The following PREX2 variants were observed in gnomAD, a reference collection of about 807,000 sequenced individuals.
PREX2 encodes the protein phosphatidylinositol-3,4,5-trisphosphate dependent Rac exchange factor 2.
PREX2 carries 107 observed loss-of-function variants against 203.2 expected under a neutral mutation model. The ratio of observed to expected loss-of-function variants is 0.53; its 90% CI spans 0.45 to 0.62. The LOEUF (loss-of-function observed/expected upper bound fraction) is 0.62. Ranked by LOEUF, PREX2 falls within the 20% of genes least tolerant of loss-of-function variation. The pLI, the probability that PREX2 is intolerant of heterozygous loss-of-function variation, is 0.00. For synonymous variants in PREX2, 672 were observed against 663.6 expected, an observed-to-expected ratio of 1.01 and a Z score of -0.19; for missense variants, 1,777 against 1,955.9, an observed-to-expected ratio of 0.91 and a Z score of 1.72.
chr8:68,074,097 C>G (rs4457315), intron 14 of PREX2, among the ~76,000 whole-genome samples: 79,558 of 151,480 alleles, frequency 0.53, 20,938 homozygotes, highest in South Asian at 0.56. Flanking sequence ...TTCTCAAGTA[C>G]CTGGGATTAC....
intron 37 of PREX2, among the ~76,000 whole-genome samples, chr8:68,198,498 C>T (rs1405277170): frequency 6.6e-6 from 1 of 152,178 alleles, no homozygotes; most frequent in African/African-American, 2.4e-5. Flanking sequence ...TTTCTTATTG[C>T]AGCATCCTTC....
chr8:68,177,389 C>A (rs1812001187), intron 35 of PREX2, among the ~76,000 whole-genome samples: 1 of 152,128 alleles, frequency 6.6e-6, no homozygotes, highest in Non-Finnish European at 1.5e-5. Context: ...GAGACCCTCA[C>A]CCCTCATCTC....
At chr8:68,111,075 A>G in intron 25 of PREX2, 1 of 263,618 alleles carries the variant, frequency 3.8e-6, no homozygotes, top group Non-Finnish European at 7.5e-6. Context: ...AATAAATGAG[A>G]TTTTATTGCA....
At position 68,083,380 on chromosome 8, in the gene PREX2, G is replaced by A; in HGVS notation, c.2019G>A (p.Lys673=). 2 of 1,606,464 alleles carry A rather than the reference G, an allele frequency of 1.2e-6. No individual in the cohort carries two copies. The highest frequency in any genetic ancestry group is 8.5e-7 in the Non-Finnish European group (1 of 1,175,418). The change falls in exon 18 of 40, where the codon AAG becomes AAA. Residue 673 remains lysine, a synonymous_variant. Coordinates refer to ENST00000288368, the MANE Select transcript of PREX2 (RefSeq NM_024870.4). ...CTCTAAGAGTTCTTGTGAGCACAAA[G>A]CCAAGAGAGTAAGTTGTATGATTTA... ...RKPLRVLVST[K]PRETVKIPDS... is the part of the protein sequence containing the mutation.
intron 1 of PREX2, among the ~76,000 whole-genome samples, chr8:68,013,465 C>T (rs1807323666): frequency 6.6e-6 from 1 of 152,152 alleles, no homozygotes; most frequent in African/African-American, 2.4e-5. Context: ...AGGTCCAGAA[C>T]AAACTCTGAT....
At chr8:68,079,204 T>C (rs886934998) in intron 15 of PREX2, among the ~76,000 whole-genome samples, 11 of 152,210 alleles carry the variant, frequency 7.2e-5, no homozygotes, top group African/African-American at 2.7e-4. Flanking sequence ...CTTCTGTTGC[T>C]AATTATGGCT....
chr8:68,143,807 A>G (rs1811272607), intron 33 of PREX2, among the ~76,000 whole-genome samples: 1 of 152,116 alleles, frequency 6.6e-6, no homozygotes, highest in South Asian at 2.1e-4. Flanking sequence ...TCTGGCAGGA[A>G]TTGTATGGTT....
chr8:67,988,894 C>G (rs1289606389), intron 1 of PREX2, among the ~76,000 whole-genome samples: 1 of 152,270 alleles, frequency 6.6e-6, no homozygotes, highest in Non-Finnish European at 1.5e-5. Context: ...CGTAGTGATC[C>G]TAGAACACCT....
chr8:67,965,319 C>T lies in PREX2; in HGVS notation c.141+12784C>T, dbSNP rs181617465. On this transcript the variant is annotated intron_variant, in intron 1 of 39. Transcript: ENST00000288368. ...CTATTTTCAGCTTAATTTAAGTCCT[C>T]TGGGATCATTTTGGATCTCTGTGTA... Among the ~76,000 whole-genome samples, 19 of 152,254 alleles carry T rather than the reference C, an allele frequency of 1.2e-4. 1 individual carries two copies. The highest frequency in any genetic ancestry group is 3.4e-3 in the Middle Eastern group (1 of 294).
intron 37 of PREX2, among the ~76,000 whole-genome samples, chr8:68,200,535 T>G (rs1812480617): frequency 6.6e-6 from 1 of 152,100 alleles, no homozygotes; most frequent in Non-Finnish European, 1.5e-5. Context: ...TTGTATTACT[T>G]TTTTCCATTA....
At chr8:68,180,357 G>C (rs1292856301) in intron 35 of PREX2, among the ~76,000 whole-genome samples, 1 of 151,956 alleles carries the variant, frequency 6.6e-6, no homozygotes, top group African/African-American at 2.4e-5. Flanking sequence ...CACACCATTG[G>C]TTCTTTACAG....
chr8:67,952,965 G>A (rs57824205), intron 1 of PREX2, among the ~76,000 whole-genome samples: 2 of 152,072 alleles, frequency 1.3e-5, no homozygotes, highest in African/African-American at 4.8e-5. Flanking sequence ...CTACATCCAG[G>A]TACACTAAGT....
At chr8:68,057,827 G>T (rs1808724985) in intron 10 of PREX2, among the ~76,000 whole-genome samples, 1 of 152,192 alleles carries the variant, frequency 6.6e-6, no homozygotes, top group Non-Finnish European at 1.5e-5. Flanking sequence ...TTGACACCCT[G>T]CCTTCTTCAG....
chr8:68,202,090 CAG>C (rs150176674), intron 37 of PREX2, among the ~76,000 whole-genome samples: 4,055 of 151,792 alleles, frequency 0.027, 162 homozygotes, highest in African/African-American at 0.091. Flanking sequence ...TTCGTAGAGA[CAG>C]GGTTTCACCA....
At chr8:68,069,284 G>A in intron 12 of PREX2, 148 bp downstream of exon 12, 1 of 548,294 alleles carries the variant, frequency 1.8e-6, no homozygotes. Flanking sequence ...ATTTATTTTT[G>A]GTATTTCAAG....
intron 30 of PREX2, among the ~76,000 whole-genome samples, chr8:68,124,068 A>G (rs1262553160): frequency 6.6e-6 from 1 of 152,192 alleles, no homozygotes; most frequent in East Asian, 1.9e-4. Context: ...CTTACCTACC[A>G]TGATCAAGTA....
intron 35 of PREX2, among the ~76,000 whole-genome samples, chr8:68,176,254 A>C (rs901533858): frequency 6.6e-6 from 1 of 152,200 alleles, no homozygotes; most frequent in East Asian, 1.9e-4. Flanking sequence ...TATTTTCAGT[A>C]GATCTAATAT....
intron 23 of PREX2, chr8:68,101,466 T>C: frequency 1.9e-6 from 1 of 518,936 alleles, no homozygotes; most frequent in South Asian, 1.4e-5. Context: ...CTGCTTTTCA[T>C]GACTGCTGAG....
At chr8:68,162,108 C>T (rs1471890943) in intron 35 of PREX2, among the ~76,000 whole-genome samples, 1 of 152,132 alleles carries the variant, frequency 6.6e-6, no homozygotes, top group Admixed American at 6.6e-5. Context: ...CCCACTTGGT[C>T]CCTCCCACAA....
Sources: gnomAD v4.1 joint callset for allele counts (sites outside exome capture counted in the v4.1 genomes callset) on GRCh38, gnomAD v4.1.1 for gene constraint, MANE v1.5 for transcripts, NCBI Gene and HGNC (gene_info 2026-07-23, HGNC 2026-07-21) for gene names.